Variants in FGFR2 observed in about 807,000 individuals in gnomAD.
The protein encoded by FGFR2 is fibroblast growth factor receptor 2.
Under a neutral mutation model 95.9 loss-of-function variants are expected in FGFR2, and 19 were observed. That is an observed-to-expected ratio of 0.20 (90% CI 0.14 to 0.29). The LOEUF (loss-of-function observed/expected upper bound fraction) is 0.29, where lower values mean the gene tolerates loss of function less well. FGFR2 is among the 10% of genes least tolerant of loss of function. FGFR2 has a pLI of 1.00. For synonymous variants in FGFR2, 392 were observed against 393.3 expected (o/e 1.00, Z 0.04); for missense variants, 707 against 1,056.9 (o/e 0.67, Z 4.59).
At chr10:121,571,455 G>A (rs1002800088) in intron 2 of FGFR2, among the ~76,000 whole-genome samples, 8 of 151,638 alleles carry the variant, frequency 5.3e-5, no homozygotes, top group African/African-American at 9.7e-5. Context: ...ATGCCATCAC[G>A]CCTGGGAATT....
chr10:121,575,451 A>T (rs1330420634), intron 2 of FGFR2, among the ~76,000 whole-genome samples: 1 of 152,198 alleles, frequency 6.6e-6, no homozygotes, highest in Non-Finnish European at 1.5e-5. Flanking sequence ...TATTAAAGTC[A>T]TATTTCATGA....
Position 121,593,930 on chromosome 10 carries a change from G to C in FGFR2, c.-113C>G. ...GCGCAATGCCTTCAGCCTGCGGTGGGCTCAGGAACCGAGGCGCTGCCGCTG... is the reference window on the plus strand; with the variant it reads ...GCGCAATGCCTTCAGCCTGCGGTGGCCTCAGGAACCGAGGCGCTGCCGCTG... On this transcript the variant is annotated 5_prime_UTR_variant, in exon 2 of 18. Coordinates refer to ENST00000358487, the MANE Select transcript of FGFR2 (RefSeq NM_000141.5). 1 of 988,902 alleles carries C rather than the reference G, an allele frequency of 1.0e-6. No individual in the cohort carries two copies. The highest frequency in any genetic ancestry group is 2.1e-4 in the Middle Eastern group (1 of 4,842). The allele number at this position is 988,902 out of a possible 1,614,324, so 61.3% of individuals were successfully genotyped here.
Position 121,485,498 on chromosome 10 carries a change from T to A in FGFR2, c.2092A>T (p.Thr698Ser), listed in dbSNP as rs2133799253. Residue 698 changes from threonine to serine, a missense_variant, in exon 16 of 18, where the codon ACT (threonine) becomes TCT (serine). Coordinates refer to ENST00000358487, the MANE Select transcript of FGFR2 (RefSeq NM_000141.5). The surrounding 1 kb of genome is among the most constrained non-coding windows in gnomAD (Gnocchi z 4.2). ...CCTGGGTAGGGCGAGCCCCCTAAAG[T>A]GAAGATCTCCCACATTAACACCCCG... ...SFGVLMWEIF[T>S]LGGSPYPGIP... 1 of 1,613,952 alleles carries A rather than the reference T, an allele frequency of 6.2e-7. No homozygotes were observed. Among genetic ancestry groups the A allele is most frequent in the South Asian group, 1.1e-5 (1 of 91,056 alleles).
At chr10:121,514,871 G>T (rs1849489305) in intron 9 of FGFR2, among the ~76,000 whole-genome samples, 1 of 152,202 alleles carries the variant, frequency 6.6e-6, no homozygotes, top group African/African-American at 2.4e-5. Flanking sequence ...CTGCTGATTA[G>T]TTTTCTGATT....
chr10:121,492,012 C>T (rs1482946324), intron 13 of FGFR2, among the ~76,000 whole-genome samples: 8 of 151,814 alleles, frequency 5.3e-5, no homozygotes, highest in South Asian at 4.2e-4. Flanking sequence ...GGTAAAACCC[C>T]GTCTCTACCA....
chr10:121,521,246 A>T (rs567400283), intron 6 of FGFR2, among the ~76,000 whole-genome samples: 1 of 152,240 alleles, frequency 6.6e-6, no homozygotes, highest in Non-Finnish European at 1.5e-5. Flanking sequence ...AGACTGCCCT[A>T]TAAAAGGGCA....
At chr10:121,519,884 CCT>C in intron 7 of FGFR2, 93 bp downstream of exon 7, 1 of 1,177,240 alleles carries the variant, frequency 8.5e-7, no homozygotes, top group Non-Finnish European at 1.3e-6. Context: ...AGAGAATCAT[CCT>C]CTCTCAACTC....
intron 5 of FGFR2, among the ~76,000 whole-genome samples, chr10:121,547,098 C>T (rs904560485): frequency 6.6e-6 from 1 of 152,134 alleles, no homozygotes; most frequent in African/African-American, 2.4e-5. Context: ...GTGGCGGGCA[C>T]CTGTAATCCC....
chr10:121,558,582 A>G (rs1564986084), intron 4 of FGFR2, among the ~76,000 whole-genome samples: 1 of 152,158 alleles, frequency 6.6e-6, no homozygotes, highest in Non-Finnish European at 1.5e-5. Flanking sequence ...ATGCATGTAC[A>G]ACATGATGTT....
At chr10:121,495,807 C>T (rs1348868918) in intron 13 of FGFR2, among the ~76,000 whole-genome samples, 2 of 152,236 alleles carry the variant, frequency 1.3e-5, no homozygotes, top group African/African-American at 4.8e-5. Flanking sequence ...CACCTCTGCA[C>T]AGGAGGCAGC....
chr10:121,579,991 C>T (rs574417161), intron 2 of FGFR2, among the ~76,000 whole-genome samples: 2 of 152,294 alleles, frequency 1.3e-5, no homozygotes, highest in African/African-American at 4.8e-5. Flanking sequence ...TTGATGTAAA[C>T]ATTCAATAAA....
chr10:121,538,953 T>C (rs923243200), intron 5 of FGFR2, among the ~76,000 whole-genome samples: 2 of 152,196 alleles, frequency 1.3e-5, no homozygotes, highest in African/African-American at 4.8e-5. Flanking sequence ...TATTCGGCAG[T>C]GTACAGCGTG....
At chr10:121,529,318 C>G (rs1851798635) in intron 6 of FGFR2, among the ~76,000 whole-genome samples, 1 of 152,106 alleles carries the variant, frequency 6.6e-6, no homozygotes, top group African/African-American at 2.4e-5. Flanking sequence ...CCATGTTGGC[C>G]AGGCTGGTCT....
intron 9 of FGFR2, among the ~76,000 whole-genome samples, chr10:121,513,887 T>C (rs184013703): frequency 1.8e-4 from 27 of 152,212 alleles, no homozygotes; most frequent in Admixed American, 1.6e-3. Context: ...TGAAGCTGGG[T>C]TGTGAACAAC....
At chr10:121,487,281 A>C in intron 15 of FGFR2, 73 bp downstream of exon 15, 1 of 1,206,948 alleles carries the variant, frequency 8.3e-7, no homozygotes, top group Non-Finnish European at 1.2e-6. Flanking sequence ...TAAAGAAGGA[A>C]GAAAGGTGAA....
At chr10:121,597,701 A>AGGG (rs1021337843) in intron 1 of FGFR2, among the ~76,000 whole-genome samples, 9 of 152,318 alleles carry the variant, frequency 5.9e-5, no homozygotes, top group African/African-American at 1.9e-4. Flanking sequence ...TTTGACAGGG[A>AGGG]GGGGGGCGTC....
Position 121,558,612 on chromosome 10 carries a change from T to TG in FGFR2, c.454+5889_454+5890insC, listed in dbSNP as rs1361906118. Among the ~76,000 whole-genome samples the TG allele has an allele frequency of 2.9e-3, 438 of 148,614 alleles. 3 individuals carry two copies. Among genetic ancestry groups the TG allele is most frequent in the African/African-American group, 0.01 (425 of 41,102 alleles). On this transcript the variant is annotated intron_variant, in intron 4 of 17. Coordinates refer to ENST00000358487, the MANE Select transcript of FGFR2 (RefSeq NM_000141.5). ...GATGTTAATAGATACAGTTTTTTGTTTTTTTTTTTTTTTGAGACGGAGTCT... is the reference window on the plus strand; with the variant it reads ...GATGTTAATAGATACAGTTTTTTGTTGTTTTTTTTTTTTTGAGACGGAGTCT...
intron 2 of FGFR2, 63 bp downstream of exon 2, chr10:121,593,646 C>T: frequency 6.9e-7 from 1 of 1,438,948 alleles, no homozygotes. Context: ...TAAAACAGGC[C>T]TTAACAATCT....
intron 2 of FGFR2, among the ~76,000 whole-genome samples, chr10:121,581,369 G>A (rs1860831894): frequency 6.6e-6 from 1 of 152,092 alleles, no homozygotes; most frequent in Non-Finnish European, 1.5e-5. Flanking sequence ...CAGGCAAGGT[G>A]GCTGGTACTG....
Sources: gnomAD v4.1 joint callset for allele counts (sites outside exome capture counted in the v4.1 genomes callset) on GRCh38, gnomAD v4.1.1 for gene constraint, Gnocchi (gnomAD v3.1) non-coding constraint, MANE v1.5 for transcripts, NCBI Gene and HGNC (gene_info 2026-07-23, HGNC 2026-07-21) for gene names.